CORO7: variants seen among roughly 807,000 people sequenced by gnomAD.
CORO7 encodes coronin-7.
CORO7 carries 107 observed loss-of-function variants against 126.6 expected under a neutral mutation model. That is an observed-to-expected ratio of 0.85 (90% CI 0.72 to 0.99). CORO7 has a LOEUF of 0.99. Among genes scored for constraint, CORO7 ranks in the 50% least tolerant of loss-of-function variants. The pLI is 0.00. For synonymous variants in CORO7, 603 were observed against 536.8 expected (o/e 1.12, Z -1.70); for missense variants, 1,314 against 1,255.8 (o/e 1.05, Z -0.70).
At chr16:4,361,577 G>A in intron 16 of CORO7, 108 bp from the exon 17 acceptor site, 1 of 1,314,440 alleles carries the variant, frequency 7.6e-7, no homozygotes, top group Non-Finnish European at 1.1e-6. Flanking sequence ...CTGCAGCAGA[G>A]GCTCCCACCG....
chr16:4,356,693 A>G lies in CORO7; in HGVS notation c.2685+475T>C, dbSNP rs181438481. ...AGCAATCCGCCTGCCTTGGGCTCCC[A>G]AAGTGTTAGGATTACAGACATGAAC... On this transcript the variant is annotated intron_variant, in intron 26 of 27. Coordinates refer to ENST00000251166, the MANE Select transcript of CORO7 (RefSeq NM_024535.5). 5.3e-5 allele frequency: 9 copies of G among 170,670 alleles called. No homozygotes were observed. In the East Asian group the frequency reaches 1.6e-3, roughly 31 times the overall value. The allele number at this position is 170,670 out of a possible 1,614,324, so 10.6% of individuals were successfully genotyped here. A position where few individuals can be genotyped will look rare whatever the true frequency, so the allele number is the denominator to read the frequency against.
chr16:4,407,399 A>T, intron 5 of CORO7, 102 bp downstream of exon 5: 1 of 1,364,440 alleles, frequency 7.3e-7, no homozygotes, highest in Non-Finnish European at 9.9e-7. Context: ...TAAAACTTTG[A>T]TATCTGTTTT....
Position 4,364,685 on chromosome 16 carries a change from A to G in CORO7, c.1049T>C (p.Val350Ala). Residue 350 changes from valine to alanine, a missense_variant, in exon 13 of 28, where the codon GTG becomes GCG. Coordinates refer to ENST00000251166, the MANE Select transcript of CORO7 (RefSeq NM_024535.5). Reference sequence around the variant, plus strand: ...CGGGAACAGGTCCTCGTGGAACTCCACAGCCTGGCCGCAGACAAGCAGGCA... The same window carrying G: ...CGGGAACAGGTCCTCGTGGAACTCCGCAGCCTGGCCGCAGACAAGCAGGCA... ...PIGYHVPRKAVEFHEDLFPDT... is the reference protein window; with the variant it reads ...PIGYHVPRKAAEFHEDLFPDT... The G allele has an allele frequency of 6.3e-7, 1 of 1,583,948 alleles. No homozygotes were observed. The highest frequency in any genetic ancestry group is 8.6e-7 in the Non-Finnish European group (1 of 1,165,878).
chr16:4,399,165 C>A (rs1228700614), intron 6 of CORO7, among the ~76,000 whole-genome samples: 2 of 152,110 alleles, frequency 1.3e-5, no homozygotes, highest in Non-Finnish European at 2.9e-5. Flanking sequence ...GAAAGCAGGC[C>A]ATGAAGAGAT....
chr16:4,409,833 A>G (rs7204624), intron 3 of CORO7, among the ~76,000 whole-genome samples: 112,345 of 152,224 alleles, frequency 0.74, 41,625 homozygotes, highest in Non-Finnish European at 0.77. Flanking sequence ...AGGCAGGGCA[A>G]CAGCCAGAGC....
At chr16:4,381,305 C>T (rs1306350325) in intron 9 of CORO7, 2 of 1,612,212 alleles carry the variant, frequency 1.2e-6, no homozygotes, top group Non-Finnish European at 1.7e-6. Context: ...CAGCCTGGTG[C>T]CTTCGACACG....
At position 4,413,373 on chromosome 16, in the gene CORO7, G is replaced by T. The variant is rs1478826883; in HGVS notation, c.92C>A (p.Ala31Asp). The T allele has an allele frequency of 1.3e-6, 2 of 1,582,696 alleles. No individual in the cohort carries two copies. Among genetic ancestry groups the T allele is most frequent in the Non-Finnish European group, 1.7e-6 (2 of 1,163,144 alleles). ...TTTGATGTGGTTCCTGCATGAAGGGGCGGTTCCTGCTCGAATGTCACTGAT... is the reference window on the plus strand; with the variant it reads ...TTTGATGTGGTTCCTGCATGAAGGGTCGGTTCCTGCTCGAATGTCACTGAT... ...SWISDIRAGT[A>D]PSCRNHIKSS... The change falls in exon 2 of 28, where the codon GCC becomes GAC. Residue 31 changes from alanine to aspartate, a missense_variant. Physicochemically the swap from Ala to Asp is moderately radical, Grantham distance 126. Coordinates refer to ENST00000251166, the MANE Select transcript of CORO7 (RefSeq NM_024535.5).
intron 3 of CORO7, among the ~76,000 whole-genome samples, chr16:4,411,137 C>T (rs1316674119): frequency 6.6e-6 from 1 of 152,152 alleles, no homozygotes; most frequent in East Asian, 1.9e-4. Flanking sequence ...CTGACGGGGC[C>T]CCAAAACTTT....
intron 6 of CORO7, among the ~76,000 whole-genome samples, chr16:4,404,806 T>A (rs1367446691): frequency 6.6e-6 from 1 of 151,968 alleles, no homozygotes; most frequent in Admixed American, 6.6e-5. Flanking sequence ...CTGCCACGCA[T>A]CCCCCTGTAG....
chr16:4,387,960 G>A, intron 9 of CORO7, 26 bp downstream of exon 9: 1 of 1,611,542 alleles, frequency 6.2e-7, no homozygotes. Flanking sequence ...CAGCCCCCCA[G>A]CCCACCTGCG....
In CORO7 at chr16:4,358,399, C is replaced by T. The variant is rs1262964598; in HGVS notation, c.2425G>A (p.Glu809Lys). 6.2e-7 allele frequency: 1 copy of T among 1,612,712 alleles called. No individual in the cohort carries two copies. The highest frequency in any genetic ancestry group is 1.7e-5 in the Admixed American group (1 of 59,996). ...RCLRLRQSSL[E>K]PVAFRLPRVR... Reference sequence around the variant, plus strand: ...CGGGGCAGCCGGAAGGCCACAGGCTCCAGGGAGGACTGACGCAGCCGCAGG... The same window carrying T: ...CGGGGCAGCCGGAAGGCCACAGGCTTCAGGGAGGACTGACGCAGCCGCAGG... The change falls in exon 24 of 28, where the codon GAG becomes AAG. Residue 809 changes from glutamate (E) to lysine (K), a missense_variant. By Grantham distance (56) the Glu-to-Lys change is moderately conservative. Coordinates refer to ENST00000251166, the MANE Select transcript of CORO7 (RefSeq NM_024535.5).
At chr16:4,389,379 A>T (rs2055307521) in intron 7 of CORO7, among the ~76,000 whole-genome samples, 2 of 152,272 alleles carry the variant, frequency 1.3e-5, no homozygotes, top group South Asian at 4.1e-4. Context: ...AGCTCCTCCC[A>T]GTCACCCTGG....
intron 9 of CORO7, among the ~76,000 whole-genome samples, chr16:4,386,158 G>C (rs1333629071): frequency 6.6e-6 from 1 of 152,198 alleles, no homozygotes; most frequent in African/African-American, 2.4e-5. Context: ...GGGCTCGGGG[G>C]CAGAGGGGAG....
At chr16:4,394,926 A>G (rs1383888357) in intron 7 of CORO7, among the ~76,000 whole-genome samples, 1 of 152,222 alleles carries the variant, frequency 6.6e-6, no homozygotes, top group Non-Finnish European at 1.5e-5. Context: ...TGCAGAGGAC[A>G]GGGGTTGTTT....
chr16:4,361,902 T>G, intron 16 of CORO7, 83 bp downstream of exon 16: 1 of 1,534,892 alleles, frequency 6.5e-7, no homozygotes, highest in Non-Finnish European at 8.8e-7. Flanking sequence ...GTGCTCCCTG[T>G]GTTGTGTGGG....
At chr16:4,379,088 T>TA (rs767064530) in intron 9 of CORO7, among the ~76,000 whole-genome samples, 22 of 151,962 alleles carry the variant, frequency 1.4e-4, no homozygotes, top group Non-Finnish European at 2.9e-4. Flanking sequence ...GGAACCCACG[T>TA]ACCTGGGGGA....
rs764807592 is a variant in CORO7 at position 4,361,185 on chromosome 16, G to A, written c.1751C>T (p.Thr584Ile). The change falls in exon 18 of 28, where the codon ACC becomes ATC. Residue 584 changes from threonine (T) to isoleucine (I), a missense_variant. Transcript: ENST00000251166. ...ACCTGTGAGCACAGTCTCTGGCGTG[G>A]TGAGCACCTCTTCCAGGCCCTCTGC... ...VPAEGLEEVL[T>I]TPETVLTGHT... 11 of 1,612,624 alleles carry A rather than the reference G, an allele frequency of 6.8e-6. 1 individual carries two copies. The Admixed American group carries it at 1.5e-4, about 22-fold the overall frequency.
chr16:4,358,407 G>A lies in CORO7; in HGVS notation c.2417C>T (p.Ser806Phe). 2 of 1,612,592 alleles carry A rather than the reference G, an allele frequency of 1.2e-6. No homozygotes were observed. The highest frequency in any genetic ancestry group is 1.1e-5 in the South Asian group (1 of 91,052). Residue 806 changes from serine to phenylalanine, a missense_variant, in exon 24 of 28, where the codon TCC becomes TTC. Physicochemically the swap from Ser to Phe is radical, Grantham distance 155 (BLOSUM62 -2). Coordinates refer to ENST00000251166, the MANE Select transcript of CORO7 (RefSeq NM_024535.5). ...CCGGAAGGCCACAGGCTCCAGGGAG[G>A]ACTGACGCAGCCGCAGGCACCGCAT... The part of the protein sequence containing the change: ...ELMRCLRLRQ[S>F]SLEPVAFRLP...
At chr16:4,415,767 C>G in intron 1 of CORO7, 2 of 985,608 alleles carry the variant, frequency 2.0e-6, no homozygotes, top group Non-Finnish European at 2.4e-6. Flanking sequence ...AAGGCGCACC[C>G]CTCATCAGTC....
Sources: gnomAD v4.1 joint callset for allele counts (sites outside exome capture counted in the v4.1 genomes callset) on GRCh38, gnomAD v4.1.1 for gene constraint, MANE v1.5 for transcripts, NCBI Gene and HGNC (gene_info 2026-07-23, HGNC 2026-07-21) for gene names.